KIAA0825: variants seen among roughly 807,000 people sequenced by gnomAD.
KIAA0825 encodes the protein uncharacterized protein KIAA0825.
Under a neutral mutation model 147.6 loss-of-function variants are expected in KIAA0825, and 119 were observed. That is an observed-to-expected ratio of 0.81 (90% CI 0.69 to 0.94). The LOEUF (loss-of-function observed/expected upper bound fraction) is 0.94, where lower values mean the gene tolerates loss of function less well. KIAA0825 is among the 40% of genes least tolerant of loss of function. KIAA0825 has a pLI of 0.00. For missense variants in KIAA0825, 1,381 were observed against 1,472.7 expected (o/e 0.94, Z 1.02); for synonymous variants, 470 against 518.1 (o/e 0.91, Z 1.26).
Position 94,303,760 on chromosome 5 carries a change from A to G in KIAA0825, c.3710+80608T>C, listed in dbSNP as rs1472442358. 2.0e-5 allele frequency among the ~76,000 whole-genome samples: 3 copies of G among 152,018 alleles called. No individual in the cohort carries two copies. The East Asian group carries it at 5.8e-4, about 29-fold the overall frequency. On this transcript the variant is annotated intron_variant, in intron 20 of 20. Coordinates refer to ENST00000682413, the MANE Select transcript of KIAA0825 (RefSeq NM_001145678.3). Reference sequence around the variant, plus strand: ...AGTGGATCCTAGGAGAACAGGGGAAAAGCTGTGGCAATCTCTCCATGGTGA... The same window carrying G: ...AGTGGATCCTAGGAGAACAGGGGAAGAGCTGTGGCAATCTCTCCATGGTGA...
At chr5:94,498,358 T>C (rs1764624862) in intron 5 of KIAA0825, among the ~76,000 whole-genome samples, 1 of 152,122 alleles carries the variant, frequency 6.6e-6, no homozygotes, top group Non-Finnish European at 1.5e-5. Flanking sequence ...AGGAAGCTGT[T>C]AGGATATGAG....
chr5:94,608,829 A>G (rs1016373080), intron 1 of KIAA0825, among the ~76,000 whole-genome samples: 1 of 151,964 alleles, frequency 6.6e-6, no homozygotes, highest in Admixed American at 6.6e-5. Flanking sequence ...CAATACTACA[A>G]GAGTCTCCTG....
At chr5:94,321,168 C>T (rs1159100180) in intron 20 of KIAA0825, among the ~76,000 whole-genome samples, 3 of 151,806 alleles carry the variant, frequency 2.0e-5, no homozygotes, top group African/African-American at 7.3e-5. Flanking sequence ...GTAAAAATGC[C>T]AAGGGTAAGG....
At chr5:94,223,797 T>A (rs1773880190) in intron 20 of KIAA0825, among the ~76,000 whole-genome samples, 1 of 152,118 alleles carries the variant, frequency 6.6e-6, no homozygotes, top group South Asian at 2.1e-4. Flanking sequence ...GGTAATAATT[T>A]TTGTCTTGTA....
chr5:94,509,870 A>C (rs1231537565), intron 5 of KIAA0825, among the ~76,000 whole-genome samples: 1 of 152,212 alleles, frequency 6.6e-6, no homozygotes, highest in Non-Finnish European at 1.5e-5. Flanking sequence ...ATCATGACTA[A>C]GAAAAACTAT....
At chr5:94,470,170 C>T (rs1488497760) in intron 9 of KIAA0825, 59 bp from the exon 10 acceptor site, 3 of 1,234,938 alleles carry the variant, frequency 2.4e-6, no homozygotes, top group Non-Finnish European at 3.3e-6. Context: ...TAGGAGATAA[C>T]AATCTCCAGT....
chr5:94,513,148 T>C (rs1374002496), intron 5 of KIAA0825, among the ~76,000 whole-genome samples: 1 of 152,184 alleles, frequency 6.6e-6, no homozygotes, highest in Admixed American at 6.5e-5. Flanking sequence ...TTTCAGTGAC[T>C]TTTTTCAATA....
intron 20 of KIAA0825, among the ~76,000 whole-genome samples, chr5:94,230,272 A>G (rs1774572739): frequency 6.6e-6 from 1 of 152,200 alleles, no homozygotes; most frequent in Non-Finnish European, 1.5e-5. Flanking sequence ...TCGTGTTTTC[A>G]GTTCCATTAA....
At chr5:94,538,091 C>T (rs531637204) in intron 2 of KIAA0825, among the ~76,000 whole-genome samples, 1 of 152,294 alleles carries the variant, frequency 6.6e-6, no homozygotes, top group African/African-American at 2.4e-5. Flanking sequence ...TGGGATATAG[C>T]TGCAATAAAT....
intron 20 of KIAA0825, among the ~76,000 whole-genome samples, chr5:94,374,726 C>T (rs1747277458): frequency 6.6e-6 from 1 of 152,188 alleles, no homozygotes; most frequent in Admixed American, 6.5e-5. Flanking sequence ...CTCTTCCTCC[C>T]CAATCCTCCT....
chr5:94,453,034 T>C lies in KIAA0825; in HGVS notation c.2282A>G (p.Asp761Gly). Residue 761 changes from aspartate (D) to glycine (G), a missense_variant, in exon 13 of 21, where the codon GAT (aspartate) becomes GGT (glycine). Physicochemically the swap from Asp to Gly is moderately conservative, Grantham distance 94. Transcript: ENST00000682413. ...TTGCTTAAAAAATGATTTTAAGGAA[T>C]CTGAAGCAGACTCATCCAGGCCATG... is the stretch of plus-strand genomic sequence containing the variant. Reference protein sequence around the residue: ...FQHGLDESASDSLKSFFKQPL... With the variant: ...FQHGLDESASGSLKSFFKQPL... 1 of 1,527,180 alleles carries C rather than the reference T, an allele frequency of 6.5e-7. No individual in the cohort carries two copies. Among genetic ancestry groups the C allele is most frequent in the Non-Finnish European group, 8.8e-7 (1 of 1,138,056 alleles). The allele number at this position is 1,527,180 out of a possible 1,614,324, so 94.6% of individuals were successfully genotyped here. A position where few individuals can be genotyped will look rare whatever the true frequency, so the allele number is the denominator to read the frequency against.
chr5:94,226,820 A>G (rs1774209052), intron 20 of KIAA0825, among the ~76,000 whole-genome samples: 1 of 152,060 alleles, frequency 6.6e-6, no homozygotes, highest in African/African-American at 2.4e-5. Context: ...TGGCCATCAG[A>G]GAAATGCAAA....
chr5:94,256,941 C>G (rs1776278639), intron 20 of KIAA0825, among the ~76,000 whole-genome samples: 1 of 150,458 alleles, frequency 6.6e-6, no homozygotes, highest in South Asian at 2.1e-4. Context: ...AATTAAAGAT[C>G]TGTCTACCTA....
chr5:94,442,421 G>A (rs1757198945), intron 13 of KIAA0825, among the ~76,000 whole-genome samples: 1 of 152,106 alleles, frequency 6.6e-6, no homozygotes, highest in South Asian at 2.1e-4. Context: ...GAGAAGAAGG[G>A]TGTTACTAAA....
At chr5:94,422,246 C>T (rs1584447068) in intron 14 of KIAA0825, among the ~76,000 whole-genome samples, 1 of 152,158 alleles carries the variant, frequency 6.6e-6, no homozygotes, top group Non-Finnish European at 1.5e-5. Context: ...GACCCTCATT[C>T]CAGAGGTGCC....
At chr5:94,348,436 A>G (rs1164403854) in intron 20 of KIAA0825, among the ~76,000 whole-genome samples, 1 of 152,220 alleles carries the variant, frequency 6.6e-6, no homozygotes, top group African/African-American at 2.4e-5. Flanking sequence ...TATCCGATTA[A>G]TAGCAGATTT....
chr5:94,539,811 C>T (rs1002719924), intron 2 of KIAA0825, among the ~76,000 whole-genome samples: 2 of 151,970 alleles, frequency 1.3e-5, no homozygotes, highest in Admixed American at 1.3e-4. Context: ...GGTTAGAGGC[C>T]CCTCTCGGTA....
intron 1 of KIAA0825, among the ~76,000 whole-genome samples, chr5:94,597,164 A>C (rs1785456753): frequency 6.6e-6 from 1 of 152,178 alleles, no homozygotes; most frequent in Non-Finnish European, 1.5e-5. Flanking sequence ...CCAGTTTTTA[A>C]GGGGAATGCT....
At chr5:94,535,378 CG>C in intron 3 of KIAA0825, among the ~76,000 whole-genome samples, 1 of 150,036 alleles carries the variant, frequency 6.7e-6, no homozygotes, top group Non-Finnish European at 1.5e-5. Context: ...CGTGTGGCGG[CG>C]GGCACCTGTA....
Sources: allele counts gnomAD v4.1 joint callset (sites outside exome capture counted in the v4.1 genomes callset), GRCh38; gene constraint gnomAD v4.1.1; transcripts MANE v1.5; gene names NCBI Gene and HGNC (gene_info 2026-07-23, HGNC 2026-07-21).